The following CSNK2A3 variants were observed in gnomAD, a reference collection of about 807,000 sequenced individuals.
CSNK2A3 encodes casein kinase 2 alpha 3.
A neutral mutation model predicts 36.5 loss-of-function variants in CSNK2A3; 31 were observed. The ratio of observed to expected loss-of-function variants is 0.85; its 90% confidence interval spans 0.64 to 1.15. The LOEUF (loss-of-function observed/expected upper bound fraction) is 1.15, where lower values mean the gene tolerates loss of function less well. Ranked by LOEUF, CSNK2A3 falls within the 50% of genes most tolerant of loss-of-function variation. The probability of loss-of-function intolerance (pLI) is 0.00; values close to 1 mark genes in which losing one functional copy is unlikely to be tolerated. For synonymous variants in CSNK2A3, 152 were observed against 176.3 expected, an observed-to-expected ratio of 0.86 and a Z score of 1.09; for missense variants, 443 against 487.2, an observed-to-expected ratio of 0.91 and a Z score of 0.85.
In CSNK2A3 at chr11:11,352,524, C is replaced by A; in HGVS notation, c.596G>T (p.Gly199Val). 1 of 1,614,106 alleles carries A rather than the reference C, an allele frequency of 6.2e-7. No individual in the cohort carries two copies. Among genetic ancestry groups the A allele is most frequent in the East Asian group, 2.2e-5 (1 of 44,880 alleles). ...NVRVASRYFK[G>V]PELLVDYQMY... ...CTGATAGTCTACAAGTAGCTCAGGA[C>A]CTTTGAAGTATCGGGAAGCAACTCG... Residue 199 changes from glycine (G) to valine (V), a missense_variant, in exon 1 of 1, where the codon GGT becomes GTT. Transcript: ENST00000528848.
Position 11,353,072 on chromosome 11 carries a change from A to G in CSNK2A3, c.48T>C (p.Asn16=), listed in dbSNP as rs757468139. 2.5e-6 allele frequency: 4 copies of G among 1,614,066 alleles called. No homozygotes were observed. Among genetic ancestry groups the G allele is most frequent in the East Asian group, 2.2e-5 (1 of 44,882 alleles). ...PSRARVYTDV[N]THRPREYWDY... ...CCCAGTATTCTCGAGGTCTGTGTGT[A>G]TTAACATCTGTGTAAACTCTGGCCC... The change falls in exon 1 of 1, where the codon AAT becomes AAC. Residue 16 remains asparagine (N), a synonymous_variant. Transcript: ENST00000528848.
chr11:11,352,705 C>T lies in CSNK2A3; in HGVS notation c.415G>A (p.Glu139Lys). 6.2e-7 allele frequency: 1 copy of T among 1,614,148 alleles called. No homozygotes were observed. Residue 139 changes from glutamate to lysine, a missense_variant, in exon 1 of 1, where the codon GAG becomes AAG. Physicochemically the swap from Glu to Lys is moderately conservative, Grantham distance 56. Transcript: ENST00000528848. ...CAATAATCCAGGGCCTTCAGAATCT[C>T]ATACATGTAAAATCGAATATCATAG... ...TDYDIRFYMY[E>K]ILKALDYCHS...
Position 11,352,794 on chromosome 11 carries a change from G to A in CSNK2A3, c.326C>T (p.Pro109Leu), listed in dbSNP as rs969803712. 2.1e-5 allele frequency: 34 copies of A among 1,614,024 alleles called. No individual in the cohort carries two copies. Among genetic ancestry groups the A allele is most frequent in the Admixed American group, 5.0e-5 (3 of 59,998 alleles). ...GTTTACGTGTTCAAAAACCAAGGCG[G>A]GGGTTCGTGACACAGGGTCTTTTAC... ...DIVKDPVSRT[P>L]ALVFEHVNNT... The change falls in exon 1 of 1, where the codon CCC becomes CTC. Residue 109 changes from proline (P) to leucine (L), a missense_variant. By Grantham distance (98) the Pro-to-Leu change is moderately conservative (BLOSUM62 -3). Transcript: ENST00000528848.
rs762611928 is a variant in CSNK2A3, at chr11:11,352,947, T to C, written c.173A>G (p.Asn58Ser). ...GKYSEVFEAINITNNEKVVVK... is the reference protein window; with the variant it reads ...GKYSEVFEAISITNNEKVVVK... ...AACAACTTTTTCATTATTTGTGATG[T>C]TGATGGCTTCAAATACTTCACTGTA... Residue 58 changes from asparagine to serine, a missense_variant, in exon 1 of 1, where the codon AAC (asparagine) becomes AGC (serine). By Grantham distance (46) the Asn-to-Ser change is conservative. Transcript: ENST00000528848. 2.5e-5 allele frequency: 40 copies of C among 1,614,106 alleles called. No individual in the cohort carries two copies. The East Asian group carries it at 7.8e-4, about 31-fold the overall frequency.
Position 11,352,496 on chromosome 11 carries a change from C to T in CSNK2A3, c.624G>A (p.Met208Ile). The T allele has an allele frequency of 6.2e-7, 1 of 1,614,178 alleles. No individual in the cohort carries two copies. The highest frequency in any genetic ancestry group is 8.5e-7 in the Non-Finnish European group (1 of 1,180,040). The change falls in exon 1 of 1, where the codon ATG (methionine) becomes ATA (isoleucine). Residue 208 changes from methionine to isoleucine, a missense_variant. By Grantham distance (10) the Met-to-Ile change is conservative (BLOSUM62 1). Transcript: ENST00000528848. Reference sequence around the variant, plus strand: ...TCCACATATCCAAACTATAATCGTACATCTGATAGTCTACAAGTAGCTCAG... The same window carrying T: ...TCCACATATCCAAACTATAATCGTATATCTGATAGTCTACAAGTAGCTCAG... ...KGPELLVDYQ[M>I]YDYSLDMWRL...
rs750109164 is a variant in CSNK2A3, at chr11:11,352,008, G to A, written c.1112C>T (p.Pro371Leu). 15 of 1,612,974 alleles carry A rather than the reference G, an allele frequency of 9.3e-6. 1 individual carries two copies. The South Asian group carries it at 1.3e-4, about 14-fold the overall frequency. The stretch of plus-strand genomic sequence containing the variant: ...AAGGGGGTTGGCAGCAGCAATCACT[G>A]GTGAGCCTGCCAGAGGTCCAAGGGG... ...PSPLGPLAGS[P>L]VIAAANPLGM... The change falls in exon 1 of 1, where the codon CCA becomes CTA. Residue 371 changes from proline to leucine, a missense_variant. Physicochemically the swap from Pro to Leu is moderately conservative, Grantham distance 98. Transcript: ENST00000528848.
At position 11,353,082 on chromosome 11, in the gene CSNK2A3, G is replaced by A. The variant is rs780225559; in HGVS notation, c.38C>T (p.Thr13Ile). Residue 13 changes from threonine to isoleucine, a missense_variant, in exon 1 of 1, where the codon ACA (threonine) becomes ATA (isoleucine). Transcript: ENST00000528848. The part of the protein sequence containing the change: ...GPVPSRARVY[T>I]DVNTHRPREY... ...TCGAGGTCTGTGTGTATTAACATCT[G>A]TGTAAACTCTGGCCCTGCTTGGCAC... 13 of 1,614,168 alleles carry A rather than the reference G, an allele frequency of 8.1e-6. No individual in the cohort carries two copies. Among genetic ancestry groups the A allele is most frequent in the Non-Finnish European group, 1.1e-5 (13 of 1,180,034 alleles).
In CSNK2A3 at chr11:11,352,757, G is replaced by A. The variant is rs1564906530; in HGVS notation, c.363C>T (p.Phe121=). The change falls in exon 1 of 1, where the codon TTC becomes TTT. Residue 121 remains phenylalanine, a synonymous_variant. Transcript: ENST00000528848. ...LVFEHVNNTD[F]KQLYQTLTDY... ...CTGTTAACGTCTGGTACAATTGCTT[G>A]AAGTCTGTGTTGTTTACGTGTTCAA... The A allele has an allele frequency of 6.2e-7, 1 of 1,614,164 alleles. No homozygotes were observed. The highest frequency in any genetic ancestry group is 2.2e-5 in the East Asian group (1 of 44,882).
At position 11,352,427 on chromosome 11, in the gene CSNK2A3, T is replaced by G. The variant is rs1433568294; in HGVS notation, c.693A>C (p.Pro231=). The change falls in exon 1 of 1, where the codon CCA becomes CCC. Residue 231 remains proline, a synonymous_variant. Transcript: ENST00000528848. Reference sequence around the variant, plus strand: ...CATAATTGTCACGTCCATGGAAAAATGGCTCCTTCCGAAAGATCATACTTG... The same window carrying G: ...CATAATTGTCACGTCCATGGAAAAAGGGCTCCTTCCGAAAGATCATACTTG... ...MLASMIFRKE[P]FFHGRDNYDQ... is the part of the protein sequence containing the mutation. 6.2e-7 allele frequency: 1 copy of G among 1,614,172 alleles called. No individual in the cohort carries two copies. Among genetic ancestry groups the G allele is most frequent in the East Asian group, 2.2e-5 (1 of 44,888 alleles).
Position 11,352,652 on chromosome 11 carries a change from A to T in CSNK2A3, c.468T>A (p.Asp156Glu). The T allele has an allele frequency of 1.2e-6, 2 of 1,614,178 alleles. No homozygotes were observed. The highest frequency in any genetic ancestry group is 1.7e-6 in the Non-Finnish European group (2 of 1,180,036). Residue 156 changes from aspartate to glutamate, a missense_variant, in exon 1 of 1, where the codon GAT (aspartate) becomes GAA (glutamate). Physicochemically the swap from Asp to Glu is conservative, Grantham distance 45. Coordinates refer to ENST00000528848, the MANE Select transcript of CSNK2A3 (RefSeq NM_001256686.2). ...CAATCATGACATTATGGGGCTTGACATCTCTGTGCATAATTCCCATGCTGT... is the reference window on the plus strand; with the variant it reads ...CAATCATGACATTATGGGGCTTGACTTCTCTGTGCATAATTCCCATGCTGT... ...YCHSMGIMHRDVKPHNVMIDH... is the reference protein window; with the variant it reads ...YCHSMGIMHREVKPHNVMIDH...
chr11:11,352,827 G>T lies in CSNK2A3; in HGVS notation c.293C>A (p.Ala98Glu). 6.2e-7 allele frequency: 1 copy of T among 1,614,198 alleles called. No homozygotes were observed. Among genetic ancestry groups the T allele is most frequent in the Non-Finnish European group, 8.5e-7 (1 of 1,180,034 alleles). ...TGACACAGGGTCTTTTACAATGTCT[G>T]CCAGTGTGATGATGTTGGGACCTCC... ...LRGGPNIITLADIVKDPVSRT... is the reference protein window; with the variant it reads ...LRGGPNIITLEDIVKDPVSRT... The change falls in exon 1 of 1, where the codon GCA becomes GAA. Residue 98 changes from alanine (A) to glutamate (E), a missense_variant. Transcript: ENST00000528848.
rs1850436911 is a variant in CSNK2A3 at position 11,352,622 on chromosome 11, A to G, written c.498T>C (p.His166=). 1 of 1,614,084 alleles carries G rather than the reference A, an allele frequency of 6.2e-7. No individual in the cohort carries two copies. The highest frequency in any genetic ancestry group is 8.5e-7 in the Non-Finnish European group (1 of 1,180,050). ...DVKPHNVMID[H]EHRKLRLIDW... is the part of the protein sequence containing the mutation. ...CTATTAGTCGTAGCTTTCTGTGCTC[A>G]TGATCAATCATGACATTATGGGGCT... The change falls in exon 1 of 1, where the codon CAT becomes CAC. Residue 166 remains histidine, a synonymous_variant. Transcript: ENST00000528848.
chr11:11,352,438 G>T lies in CSNK2A3; in HGVS notation c.682C>A (p.Arg228=). Residue 228 remains arginine (R), a synonymous_variant, in exon 1 of 1, where the codon CGG becomes AGG. Coordinates refer to ENST00000528848, the MANE Select transcript of CSNK2A3 (RefSeq NM_001256686.2). ...LGCMLASMIF[R]KEPFFHGRDN... is the part of the protein sequence containing the mutation. ...CGTCCATGGAAAAATGGCTCCTTCC[G>T]AAAGATCATACTTGCCAGCATACAA... is the stretch of plus-strand genomic sequence containing the variant. 1.9e-6 allele frequency: 3 copies of T among 1,614,020 alleles called. No individual in the cohort carries two copies. Among genetic ancestry groups the T allele is most frequent in the Non-Finnish European group, 2.5e-6 (3 of 1,179,996 alleles).
chr11:11,352,154 G>A lies in CSNK2A3; in HGVS notation c.966C>T (p.Pro322=), dbSNP rs1564905999. 6.2e-7 allele frequency: 1 copy of A among 1,613,460 alleles called. No individual in the cohort carries two copies. Among genetic ancestry groups the A allele is most frequent in the South Asian group, 1.1e-5 (1 of 90,994 alleles). ...RLTAREAMEH[P]YFYTVVKDQA... ...GGTCCTTCACAACAGTGTAGAAATAGGGGTGCTCCATGGCCTCTCTTGCAG... is the reference window on the plus strand; with the variant it reads ...GGTCCTTCACAACAGTGTAGAAATAAGGGTGCTCCATGGCCTCTCTTGCAG... The change falls in exon 1 of 1, where the codon CCC becomes CCT. Residue 322 remains proline, a synonymous_variant. Transcript: ENST00000528848.
rs1850432257 is a variant in CSNK2A3 at position 11,352,485 on chromosome 11, C to A, written c.635G>T (p.Ser212Ile). The change falls in exon 1 of 1, where the codon AGT becomes ATT. Residue 212 changes from serine to isoleucine, a missense_variant. Coordinates refer to ENST00000528848, the MANE Select transcript of CSNK2A3 (RefSeq NM_001256686.2). ...LLVDYQMYDY[S>I]LDMWRLGCML... is the part of the protein sequence containing the mutation. ...ACAACCCAATCTCCACATATCCAAA[C>A]TATAATCGTACATCTGATAGTCTAC... The A allele has an allele frequency of 3.1e-6, 5 of 1,614,132 alleles. No individual in the cohort carries two copies. The South Asian group carries it at 5.5e-5, about 18-fold the overall frequency.
chr11:11,352,206 A>G lies in CSNK2A3; in HGVS notation c.914T>C (p.Leu305Pro), dbSNP rs1048781643. 1 of 1,613,696 alleles carries G rather than the reference A, an allele frequency of 6.2e-7. No individual in the cohort carries two copies. Among genetic ancestry groups the G allele is most frequent in the African/African-American group, 1.3e-5 (1 of 74,788 alleles). ...AAGCCGTGACTGGTGGTCATATCGC[A>G]GCAGTTTGTCCAGGAAATCCAAGGC... ...PEALDFLDKL[L>P]RYDHQSRLTA... The change falls in exon 1 of 1, where the codon CTG becomes CCG. Residue 305 changes from leucine to proline, a missense_variant. Physicochemically the swap from Leu to Pro is moderately conservative, Grantham distance 98. Transcript: ENST00000528848.
In CSNK2A3 at chr11:11,352,150, A is replaced by T. The variant is rs966617129; in HGVS notation, c.970T>A (p.Phe324Ile). ...GCCTGGTCCTTCACAACAGTGTAGA[A>T]ATAGGGGTGCTCCATGGCCTCTCTT... is the stretch of plus-strand genomic sequence containing the variant. The part of the protein sequence containing the change: ...TAREAMEHPY[F>I]YTVVKDQARM... The change falls in exon 1 of 1, where the codon TTC (phenylalanine) becomes ATC (isoleucine). Residue 324 changes from phenylalanine to isoleucine, a missense_variant. Physicochemically the swap from Phe to Ile is conservative, Grantham distance 21. Coordinates refer to ENST00000528848, the MANE Select transcript of CSNK2A3 (RefSeq NM_001256686.2). 6.2e-7 allele frequency: 1 copy of T among 1,613,290 alleles called. No homozygotes were observed. Among genetic ancestry groups the T allele is most frequent in the Non-Finnish European group, 8.5e-7 (1 of 1,179,906 alleles).
rs773490305 is a variant in CSNK2A3 at position 11,352,281 on chromosome 11, C to T, written c.839G>A (p.Arg280Gln). ...TTCACTGTGGACAAAGCGTTCCCAT[C>T]GCTTTCGAGAGTGTCTGCCCAAGAT... ...NDILGRHSRK[R>Q]WERFVHSENQ... is the part of the protein sequence containing the mutation. Residue 280 changes from arginine (R) to glutamine (Q), a missense_variant, in exon 1 of 1, where the codon CGA (arginine) becomes CAA (glutamine). Coordinates refer to ENST00000528848, the MANE Select transcript of CSNK2A3 (RefSeq NM_001256686.2). 16 of 1,613,962 alleles carry T rather than the reference C, an allele frequency of 9.9e-6. No individual in the cohort carries two copies. The highest frequency in any genetic ancestry group is 7.7e-5 in the South Asian group (7 of 91,056).
Position 11,352,822 on chromosome 11 carries a change from T to C in CSNK2A3, c.298A>G (p.Ile100Val), listed in dbSNP as rs1311959986. 29 of 1,614,096 alleles carry C rather than the reference T, an allele frequency of 1.8e-5. No homozygotes were observed. The highest frequency in any genetic ancestry group is 3.3e-5 in the Admixed American group (2 of 60,002). The change falls in exon 1 of 1, where the codon ATT (isoleucine) becomes GTT (valine). Residue 100 changes from isoleucine (I) to valine (V), a missense_variant. Physicochemically the swap from Ile to Val is conservative, Grantham distance 29 (BLOSUM62 3). Coordinates refer to ENST00000528848, the MANE Select transcript of CSNK2A3 (RefSeq NM_001256686.2). The part of the protein sequence containing the change: ...GGPNIITLAD[I>V]VKDPVSRTPA... ...GTTCGTGACACAGGGTCTTTTACAATGTCTGCCAGTGTGATGATGTTGGGA... is the reference window on the plus strand; with the variant it reads ...GTTCGTGACACAGGGTCTTTTACAACGTCTGCCAGTGTGATGATGTTGGGA...
Sources: allele counts gnomAD v4.1 joint callset, GRCh38; gene constraint gnomAD v4.1.1; transcripts MANE v1.5; gene names NCBI Gene and HGNC (gene_info 2026-07-23, HGNC 2026-07-21).